SYT9: variants seen among roughly 807,000 people sequenced by gnomAD.
SYT9 encodes the protein synaptotagmin-9.
Under a neutral mutation model 48.4 loss-of-function variants are expected in SYT9, and 22 were observed. The ratio of observed to expected loss-of-function variants is 0.45; its 90% confidence interval spans 0.32 to 0.65. SYT9 has a LOEUF of 0.65. Ranked by LOEUF, SYT9 falls within the 30% of genes least tolerant of loss-of-function variation. The pLI is 0.03. For missense variants in SYT9, 577 were observed against 622.0 expected, an observed-to-expected ratio of 0.93 and a Z score of 0.77; for synonymous variants, 265 against 245.0, an observed-to-expected ratio of 1.08 and a Z score of -0.76.
chr11:7,406,756 T>C (rs904207200), intron 3 of SYT9, among the ~76,000 whole-genome samples: 1 of 152,060 alleles, frequency 6.6e-6, no homozygotes, highest in African/African-American at 2.4e-5. Flanking sequence ...TTTTAGTTTT[T>C]GGAGAAGACT....
At chr11:7,352,695 G>A (rs1363302495) in intron 3 of SYT9, among the ~76,000 whole-genome samples, 1 of 152,184 alleles carries the variant, frequency 6.6e-6, no homozygotes, top group Non-Finnish European at 1.5e-5. Flanking sequence ...CACTTGTTAT[G>A]GAAGATGAGA....
intron 3 of SYT9, among the ~76,000 whole-genome samples, chr11:7,356,315 C>T (rs765610735): frequency 2.2e-4 from 33 of 152,322 alleles, no homozygotes; most frequent in Admixed American, 1.3e-3. Context: ...CTTTGAAATG[C>T]GGACATTCAG....
At chr11:7,425,354 A>G (rs1370013922) in intron 6 of SYT9, among the ~76,000 whole-genome samples, 1 of 152,220 alleles carries the variant, frequency 6.6e-6, no homozygotes, top group African/African-American at 2.4e-5. Flanking sequence ...AGGCTTTAGC[A>G]CTGTGGCCAA....
chr11:7,251,958 C>A lies in SYT9; in HGVS notation c.-229C>A. Reference sequence around the variant, plus strand: ...CGGTGTCTGGGGAGGGACGGAGGGACCGGGCGGGAGAGAGAGAAAGCCTGA... The same window carrying A: ...CGGTGTCTGGGGAGGGACGGAGGGAACGGGCGGGAGAGAGAGAAAGCCTGA... On this transcript the variant is annotated 5_prime_UTR_variant, in exon 1 of 7. Transcript: ENST00000318881. 2.3e-6 allele frequency: 1 copy of A among 432,450 alleles called. No homozygotes were observed. 26.8% of individuals were successfully genotyped at this position (432,450 alleles called of 1,614,324 possible). A position where few individuals can be genotyped will look rare whatever the true frequency, so the allele number is the denominator to read the frequency against.
intron 1 of SYT9, among the ~76,000 whole-genome samples, chr11:7,280,750 A>C (rs1166212274): frequency 6.9e-6 from 1 of 145,800 alleles, no homozygotes; most frequent in Non-Finnish European, 1.5e-5. Context: ...AAGGGATACT[A>C]TAGATGTAAG....
chr11:7,423,514 C>T (rs992408641), intron 6 of SYT9, among the ~76,000 whole-genome samples: 1 of 152,196 alleles, frequency 6.6e-6, no homozygotes, highest in Non-Finnish European at 1.5e-5. Flanking sequence ...GTGGCCATAA[C>T]AGTGCTTGTC....
At chr11:7,345,037 T>G (rs777400417) in intron 3 of SYT9, among the ~76,000 whole-genome samples, 1 of 152,126 alleles carries the variant, frequency 6.6e-6, no homozygotes, top group Admixed American at 6.6e-5. Flanking sequence ...ATCTTAAAAA[T>G]AGTGAGTCTT....
upstream of SYT9, among the ~76,000 whole-genome samples, chr11:7,247,871 G>A (rs764301978): frequency 1.3e-5 from 2 of 151,902 alleles, no homozygotes; most frequent in East Asian, 1.9e-4. Flanking sequence ...TCAAATGGTA[G>A]TTCTACTTTT....
chr11:7,409,655 G>T lies in SYT9; in HGVS notation c.1045-6387G>T, dbSNP rs185593783. On this transcript the variant is annotated intron_variant, in intron 3 of 6. Transcript: ENST00000318881. ...CTCCTAGGTTTTCTGGTTTGTTAGTGTACAGTTATTCATAATCGTGTGTGA... is the reference window on the plus strand; with the variant it reads ...CTCCTAGGTTTTCTGGTTTGTTAGTTTACAGTTATTCATAATCGTGTGTGA... Among the ~76,000 whole-genome samples the T allele has an allele frequency of 1.1e-4, 16 of 152,140 alleles. No homozygotes were observed. The East Asian group carries it at 2.9e-3, about 28-fold the overall frequency.
chr11:7,376,380 CCCTCTCCTCT>C (rs976253746), intron 3 of SYT9, among the ~76,000 whole-genome samples: 2 of 150,756 alleles, frequency 1.3e-5, no homozygotes, highest in African/African-American at 4.9e-5. Flanking sequence ...TCCTCCCCTC[CCCTCTCCTCT>C]CCTCTCCTCT....
chr11:7,284,022 G>T (rs74638449), intron 1 of SYT9, among the ~76,000 whole-genome samples: 11,551 of 152,074 alleles, frequency 0.076, 588 homozygotes, highest in African/African-American at 0.14. Flanking sequence ...TCAAAATCTT[G>T]TCATGTTCTA....
intron 3 of SYT9, among the ~76,000 whole-genome samples, chr11:7,379,089 TAA>T (rs1340520377): frequency 6.6e-6 from 1 of 152,064 alleles, no homozygotes; most frequent in Non-Finnish European, 1.5e-5. Flanking sequence ...AAAATGAAAA[TAA>T]AAAAGTCTTT....
At chr11:7,262,215 CTG>C (rs1290586291) in intron 1 of SYT9, among the ~76,000 whole-genome samples, 3 of 152,082 alleles carry the variant, frequency 2.0e-5, no homozygotes, top group Non-Finnish European at 4.4e-5. Context: ...AAGACTAAGA[CTG>C]TGGCCTGAGC....
chr11:7,281,756 T>A (rs1263270637), intron 1 of SYT9, among the ~76,000 whole-genome samples: 1 of 152,256 alleles, frequency 6.6e-6, no homozygotes, highest in Non-Finnish European at 1.5e-5. Flanking sequence ...CAAGGTTGTT[T>A]CTTGGATAGA....
intron 6 of SYT9, among the ~76,000 whole-genome samples, chr11:7,449,363 G>A (rs555670945): frequency 2.0e-4 from 30 of 147,580 alleles, no homozygotes; most frequent in African/African-American, 7.0e-4. Flanking sequence ...GAGCAAAAGC[G>A]ACAACCTTGC....
intron 3 of SYT9, among the ~76,000 whole-genome samples, chr11:7,342,802 G>T (rs1215877925): frequency 6.6e-6 from 1 of 152,228 alleles, no homozygotes; most frequent in Non-Finnish European, 1.5e-5. Context: ...GGTTCTCCAT[G>T]AGGGCCCTGC....
intron 3 of SYT9, among the ~76,000 whole-genome samples, chr11:7,411,347 T>G (rs907320796): frequency 9.9e-5 from 15 of 152,220 alleles, no homozygotes; most frequent in African/African-American, 3.4e-4. Context: ...TTTTATACTT[T>G]GATGTGTTTT....
intron 3 of SYT9, among the ~76,000 whole-genome samples, chr11:7,353,678 C>T (rs920124944): frequency 2.7e-5 from 4 of 150,398 alleles, no homozygotes; most frequent in Non-Finnish European, 4.4e-5. Flanking sequence ...GCCAATCCTT[C>T]ATTAGTTCGA....
chr11:7,303,069 T>G lies in SYT9; in HGVS notation c.176T>G (p.Val59Gly). ...DISVSLLTLVVTACGLALFGV... is the reference protein window; with the variant it reads ...DISVSLLTLVGTACGLALFGV... ...TCAGTGAGCCTGCTGACCCTTGTGG[T>G]CACTGCCTGTGGTCTCGCTCTCTTT... The change falls in exon 2 of 7, where the codon GTC (valine) becomes GGC (glycine). Residue 59 changes from valine to glycine, a missense_variant. Physicochemically the swap from Val to Gly is moderately radical, Grantham distance 109. Coordinates refer to ENST00000318881, the MANE Select transcript of SYT9 (RefSeq NM_175733.4). 6.2e-7 allele frequency: 1 copy of G among 1,614,228 alleles called. No individual in the cohort carries two copies. Among genetic ancestry groups the G allele is most frequent in the Admixed American group, 1.7e-5 (1 of 60,032 alleles).
Sources: gnomAD v4.1 joint callset for allele counts (sites outside exome capture counted in the v4.1 genomes callset) on GRCh38, gnomAD v4.1.1 for gene constraint, MANE v1.5 for transcripts, NCBI Gene and HGNC (gene_info 2026-07-23, HGNC 2026-07-21) for gene names.